Variants in KCNMB2 observed in about 807,000 individuals in gnomAD.
KCNMB2 encodes calcium-activated potassium channel subunit beta-2.
In KCNMB2, 9 loss-of-function variants were observed where a neutral mutation model predicts 24.5. The ratio of observed to expected loss-of-function variants is 0.37; its 90% CI spans 0.22 to 0.64. KCNMB2 has a LOEUF of 0.64. Ranked by LOEUF, KCNMB2 falls within the 30% of genes least tolerant of loss-of-function variation. The pLI, the probability that KCNMB2 is intolerant of heterozygous loss-of-function variation, is 0.63. For missense variants in KCNMB2, 226 were observed against 284.3 expected (o/e 0.79, Z 1.47); for synonymous variants, 109 against 104.4 (o/e 1.04, Z -0.27).
intron 1 of KCNMB2, among the ~76,000 whole-genome samples, chr3:178,706,178 A>G (rs1722271438): frequency 6.6e-6 from 1 of 152,170 alleles, no homozygotes; most frequent in Admixed American, 6.6e-5. Context: ...TTATTTGCCT[A>G]CTTCTCAAAT....
At chr3:178,804,823 A>G (rs766404174) in intron 1 of KCNMB2, among the ~76,000 whole-genome samples, 37 of 152,256 alleles carry the variant, frequency 2.4e-4, no homozygotes, top group Non-Finnish European at 4.6e-4. Flanking sequence ...TGACTAAAGC[A>G]ATCAGAGGAT....
chr3:178,828,272 CTT>C lies in KCNMB2; in HGVS notation c.324_325del (p.Gln110ValfsTer9), dbSNP rs751001749. ...CAGCTGTGGTCCAGACTGCTGGAAA[CTT>C]TCTCAGTACCCCTGCCTCCAGGTGT... The part of the protein sequence containing the change: ...SFSCGPDCWK[L>X]SQYPCLQVYV... On this transcript the variant is annotated frameshift_variant, in exon 4 of 5. Coordinates refer to ENST00000452583, the MANE Select transcript of KCNMB2 (RefSeq NM_181361.3). LOFTEE classifies it high-confidence loss of function. 1.2e-6 allele frequency: 2 copies of C among 1,613,936 alleles called. No homozygotes were observed. The highest frequency in any genetic ancestry group is 1.7e-6 in the Non-Finnish European group (2 of 1,179,824).
At chr3:178,738,127 C>G (rs1236407746) in intron 1 of KCNMB2, among the ~76,000 whole-genome samples, 2 of 152,102 alleles carry the variant, frequency 1.3e-5, no homozygotes, top group African/African-American at 4.8e-5. Flanking sequence ...AACTCCTCCC[C>G]CTCCACTACT....
chr3:178,778,942 CT>C (rs61686330), intron 1 of KCNMB2, among the ~76,000 whole-genome samples: 21,625 of 152,180 alleles, frequency 0.14, 1,850 homozygotes, highest in Admixed American at 0.18. Context: ...GCAGCCTGAC[CT>C]TTCAGAATAT....
intron 1 of KCNMB2, among the ~76,000 whole-genome samples, chr3:178,571,660 T>G (rs776996455): frequency 3.3e-5 from 5 of 151,840 alleles, no homozygotes; most frequent in Non-Finnish European, 5.9e-5. Flanking sequence ...ATTAGGTATT[T>G]GTCCTAATGC....
At chr3:178,567,295 A>G (rs556556767) in intron 1 of KCNMB2, among the ~76,000 whole-genome samples, 113 of 152,270 alleles carry the variant, frequency 7.4e-4, no homozygotes, top group African/African-American at 2.5e-3. Flanking sequence ...AGCCAATATC[A>G]TCTGTTTGAA....
At chr3:178,617,694 C>G (rs548595808) in intron 1 of KCNMB2, among the ~76,000 whole-genome samples, 1 of 151,816 alleles carries the variant, frequency 6.6e-6, no homozygotes, top group East Asian at 1.9e-4. Context: ...TCAAGATCAT[C>G]CTGGCCAACA....
intron 1 of KCNMB2, among the ~76,000 whole-genome samples, chr3:178,692,452 T>C (rs1284162866): frequency 6.6e-6 from 1 of 152,250 alleles, no homozygotes; most frequent in African/African-American, 2.4e-5. Flanking sequence ...AATTTCAATC[T>C]TCTGCATTTG....
intron 1 of KCNMB2, among the ~76,000 whole-genome samples, chr3:178,650,945 C>T (rs938307238): frequency 2.6e-4 from 39 of 152,128 alleles, no homozygotes; most frequent in African/African-American, 9.2e-4. Context: ...AAACCCACAG[C>T]CAATATCATA....
intron 1 of KCNMB2, among the ~76,000 whole-genome samples, chr3:178,657,386 G>A (rs191046352): frequency 2.6e-5 from 4 of 152,218 alleles, no homozygotes; most frequent in Admixed American, 2.6e-4. Context: ...AGCCTTTGAA[G>A]CTGGACTGAC....
At chr3:178,602,310 A>T (rs946509814) in intron 1 of KCNMB2, among the ~76,000 whole-genome samples, 1 of 152,004 alleles carries the variant, frequency 6.6e-6, no homozygotes, top group Non-Finnish European at 1.5e-5. Context: ...CCCACAAAAA[A>T]ATATATATAT....
At chr3:178,556,614 T>C (rs1716133431) in intron 1 of KCNMB2, among the ~76,000 whole-genome samples, 2 of 152,072 alleles carry the variant, frequency 1.3e-5, no homozygotes, top group Non-Finnish European at 2.9e-5. Flanking sequence ...ACCATGTTGG[T>C]CAGAGTGGTC....
intron 1 of KCNMB2, among the ~76,000 whole-genome samples, chr3:178,791,849 A>AT (rs1308012956): frequency 2.0e-5 from 3 of 150,894 alleles, no homozygotes; most frequent in Non-Finnish European, 3.0e-5. Context: ...AAGTACTGAA[A>AT]GAAAAAAAAA....
At chr3:178,544,882 G>A (rs901472536) in intron 1 of KCNMB2, among the ~76,000 whole-genome samples, 1 of 152,076 alleles carries the variant, frequency 6.6e-6, no homozygotes, top group African/African-American at 2.4e-5. Context: ...ATAAATCTCA[G>A]GTGACTAGAA....
chr3:178,563,241 C>A (rs1377792198), intron 1 of KCNMB2, among the ~76,000 whole-genome samples: 1 of 152,166 alleles, frequency 6.6e-6, no homozygotes, highest in Non-Finnish European at 1.5e-5. Flanking sequence ...AAAAACTGGG[C>A]AGCCGTTAAG....
intron 1 of KCNMB2, among the ~76,000 whole-genome samples, chr3:178,708,840 T>C (rs746821636): frequency 1.3e-5 from 2 of 152,174 alleles, no homozygotes; most frequent in African/African-American, 4.8e-5. Context: ...GTGTGTCTGG[T>C]TTTTGTCTCT....
chr3:178,661,355 C>T (rs6443555), intron 1 of KCNMB2, among the ~76,000 whole-genome samples: 69,920 of 151,950 alleles, frequency 0.46, 16,100 homozygotes, highest in Middle Eastern at 0.57. Context: ...TCATGGTGTA[C>T]ATGTGCCACA....
intron 1 of KCNMB2, among the ~76,000 whole-genome samples, chr3:178,788,955 T>G (rs1467792613): frequency 6.6e-6 from 1 of 152,162 alleles, no homozygotes; most frequent in East Asian, 1.9e-4. Flanking sequence ...TCAGTATTTG[T>G]TGGATAAAGA....
chr3:178,796,491 A>C (rs546540791), intron 1 of KCNMB2, among the ~76,000 whole-genome samples: 25 of 152,312 alleles, frequency 1.6e-4, no homozygotes, highest in Middle Eastern at 3.4e-3. Context: ...TCAAGGATAA[A>C]CCATAAGTTA....
Sources: gnomAD v4.1 joint callset for allele counts (sites outside exome capture counted in the v4.1 genomes callset) on GRCh38, gnomAD v4.1.1 for gene constraint, MANE v1.5 for transcripts, NCBI Gene and HGNC (gene_info 2026-07-23, HGNC 2026-07-21) for gene names.